Variants in ZNF615 observed in about 807,000 individuals in gnomAD.
ZNF615 encodes zinc finger protein 615.
Under a neutral mutation model 15.3 loss-of-function variants are expected in ZNF615, and 15 were observed. The observed-to-expected ratio is 0.98, with a 90% CI of 0.66 to 1.51. The LOEUF is 1.51. ZNF615 is among the 40% of genes most tolerant of loss of function. The pLI is 0.00. For missense variants in ZNF615, 848 were observed against 895.9 expected, an observed-to-expected ratio of 0.95 and a Z score of 0.68; for synonymous variants, 268 against 294.6, an observed-to-expected ratio of 0.91 and a Z score of 0.92.
intron 2 of ZNF615, among the ~76,000 whole-genome samples, chr19:52,005,710 T>C (rs80145514): frequency 0.011 from 1,741 of 152,262 alleles, 36 homozygotes; most frequent in African/African-American, 0.039. Context: ...TAAAGTCTTA[T>C]AAGAACACAG....
intron 1 of ZNF615, 32 bp downstream of exon 1, chr19:52,008,109 C>T (rs2123103612): frequency 6.5e-7 from 1 of 1,533,394 alleles, no homozygotes; most frequent in South Asian, 1.2e-5. Flanking sequence ...CCTCCCCCGT[C>T]ACCACAGCGA....
intron 6 of ZNF615, among the ~76,000 whole-genome samples, chr19:51,995,426 C>G (rs892070565): frequency 1.3e-5 from 2 of 152,106 alleles, no homozygotes; most frequent in Non-Finnish European, 2.9e-5. Flanking sequence ...TACCAGACCA[C>G]AGAAATAAAG....
intron 5 of ZNF615, 149 bp downstream of exon 5, chr19:52,001,664 C>A: frequency 1.4e-5 from 8 of 573,458 alleles, no homozygotes; most frequent in South Asian, 4.3e-5. Flanking sequence ...ATTTTCCATA[C>A]TATAACAAAA....
intron 3 of ZNF615, 87 bp from the exon 4 acceptor site, chr19:52,002,368 C>T (rs906785405): frequency 2.5e-6 from 4 of 1,585,876 alleles, no homozygotes; most frequent in Non-Finnish European, 3.4e-6. Flanking sequence ...CTCATTTTCA[C>T]CACATAGGAA....
intron 6 of ZNF615, among the ~76,000 whole-genome samples, chr19:51,995,893 T>A (rs960707714): frequency 6.6e-6 from 1 of 151,878 alleles, no homozygotes. Context: ...TAATTTTAGT[T>A]AGGAAAAAAT....
chr19:51,993,282 G>A lies in ZNF615; in HGVS notation c.1827C>T (p.Cys609=). Residue 609 remains cysteine, a synonymous_variant, in exon 7 of 7, where the codon TGC becomes TGT. Transcript: ENST00000598071. ...RTHTGEKPYI[C]NECGKGFTMK... is the part of the protein sequence containing the mutation. ...TGGTGAAGCCCTTTCCACATTCATTGCATATATAAGGTTTCTCCCCAGTAT... is the reference window on the plus strand; with the variant it reads ...TGGTGAAGCCCTTTCCACATTCATTACATATATAAGGTTTCTCCCCAGTAT... 1 of 1,614,090 alleles carries A rather than the reference G, an allele frequency of 6.2e-7. No individual in the cohort carries two copies. Among genetic ancestry groups the A allele is most frequent in the Admixed American group, 1.7e-5 (1 of 60,022 alleles).
chr19:52,005,367 TTAACAAA>T (rs1476264243), intron 2 of ZNF615, among the ~76,000 whole-genome samples: 5 of 152,222 alleles, frequency 3.3e-5, no homozygotes, highest in Non-Finnish European at 5.9e-5. Flanking sequence ...TACCATAACA[TTAACAAA>T]TAAGTTTATA....
intron 6 of ZNF615, 47 bp downstream of exon 6, chr19:52,000,299 G>C (rs942867608): frequency 1.5e-5 from 9 of 584,156 alleles, no homozygotes; most frequent in Non-Finnish European, 2.5e-5. Context: ...ACAGGATTGA[G>C]CTTCTAGTGA....
chr19:52,002,839 T>TC (rs2086642627), intron 3 of ZNF615, among the ~76,000 whole-genome samples: 1 of 151,902 alleles, frequency 6.6e-6, no homozygotes, highest in Admixed American at 6.6e-5. Context: ...GCTTGTTTTT[T>TC]TTTTTGAGAT....
Position 51,993,235 on chromosome 19 carries a change from T to C in ZNF615, c.1874A>G (p.His625Arg). The change falls in exon 7 of 7, where the codon CAT becomes CGT. Residue 625 changes from histidine (H) to arginine (R), a missense_variant. His to Arg is a conservative substitution (Grantham distance 29, BLOSUM62 0). Transcript: ENST00000598071. Reference protein sequence around the residue: ...GFTMKSTLSIHQQTHTGEKPY... With the variant: ...GFTMKSTLSIRQQTHTGEKPY... ...CTTCTCTCCAGTATGAGTTTGCTGA[T>C]GTATACTGAGAGTACTCTTCATGGT... 6.2e-7 allele frequency: 1 copy of C among 1,614,226 alleles called. No individual in the cohort carries two copies. The highest frequency in any genetic ancestry group is 8.5e-7 in the Non-Finnish European group (1 of 1,180,030).
At chr19:52,001,747 A>G in intron 5 of ZNF615, 66 bp downstream of exon 5, 4 of 1,366,150 alleles carry the variant, frequency 2.9e-6, no homozygotes, top group Admixed American at 3.4e-5. Context: ...CACTGCTTTG[A>G]CGCCTGCTCT....
At chr19:51,999,822 C>T (rs2086539785) in intron 6 of ZNF615, among the ~76,000 whole-genome samples, 1 of 152,116 alleles carries the variant, frequency 6.6e-6, no homozygotes, top group African/African-American at 2.4e-5. Context: ...TTAATCAAAA[C>T]ATTATCTTAA....
At chr19:52,005,543 G>C (rs2086729824) in intron 2 of ZNF615, among the ~76,000 whole-genome samples, 2 of 152,180 alleles carry the variant, frequency 1.3e-5, no homozygotes, top group Admixed American at 6.5e-5. Flanking sequence ...ATTGTGGCCA[G>C]GTCCCAACAA....
At chr19:51,998,556 C>T (rs181757183) in intron 6 of ZNF615, among the ~76,000 whole-genome samples, 25 of 152,274 alleles carry the variant, frequency 1.6e-4, no homozygotes, top group Admixed American at 1.2e-3. Context: ...ATGGTTACTT[C>T]TAAGAGAACA....
At chr19:52,007,897 G>A (rs912254678) in intron 1 of ZNF615, 4 of 485,268 alleles carry the variant, frequency 8.2e-6, no homozygotes, top group Non-Finnish European at 1.5e-5. Context: ...CAAACTACAC[G>A]AGGACCCTGT....
rs746033334 is a variant in ZNF615 at position 51,993,237 on chromosome 19, T to C, written c.1872A>G (p.Ile624Met). The C allele has an allele frequency of 1.6e-5, 26 of 1,614,090 alleles. No homozygotes were observed. Among genetic ancestry groups the C allele is most frequent in the Middle Eastern group, 1.6e-4 (1 of 6,084 alleles). Residue 624 changes from isoleucine to methionine, a missense_variant, in exon 7 of 7, where the codon ATA (isoleucine) becomes ATG (methionine). Ile to Met is a conservative substitution (Grantham distance 10). Transcript: ENST00000598071. The part of the protein sequence containing the change: ...KGFTMKSTLS[I>M]HQQTHTGEKP... ...TCTCTCCAGTATGAGTTTGCTGATG[T>C]ATACTGAGAGTACTCTTCATGGTGA...
intron 4 of ZNF615, 30 bp downstream of exon 4, chr19:52,002,125 C>A: frequency 6.2e-7 from 1 of 1,614,178 alleles, no homozygotes; most frequent in Non-Finnish European, 8.5e-7. Context: ...ACTGGGCACC[C>A]TCTGAGTGAC....
intron 5 of ZNF615, among the ~76,000 whole-genome samples, chr19:52,000,725 G>A (rs1241903982): frequency 6.6e-6 from 1 of 152,156 alleles, no homozygotes; most frequent in African/African-American, 2.4e-5. Context: ...GGCCAAGGCT[G>A]ACAGATTACT....
chr19:52,008,019 T>C, intron 1 of ZNF615, 122 bp downstream of exon 1: 6 of 880,044 alleles, frequency 6.8e-6, no homozygotes, highest in Middle Eastern at 2.2e-4. Context: ...AGAATTCCAC[T>C]GGCGTCGCCA....
Sources: allele counts gnomAD v4.1 joint callset (sites outside exome capture counted in the v4.1 genomes callset), GRCh38; gene constraint gnomAD v4.1.1; transcripts MANE v1.5; gene names NCBI Gene and HGNC (gene_info 2026-07-23, HGNC 2026-07-21).